The following TNS3 variants were observed in gnomAD, a reference collection of about 807,000 sequenced individuals.
TNS3 encodes tensin-3.
Under a neutral mutation model 140.9 loss-of-function variants are expected in TNS3, and 45 were observed. That is an observed-to-expected ratio of 0.32 (90% CI 0.25 to 0.41). The LOEUF is 0.41. Among genes scored for constraint, TNS3 ranks in the 10% least tolerant of loss-of-function variants. The pLI is 1.00. For missense variants in TNS3, 1,716 were observed against 1,906.7 expected, an observed-to-expected ratio of 0.90 and a Z score of 1.86; for synonymous variants, 815 against 788.4, an observed-to-expected ratio of 1.03 and a Z score of -0.56.
chr7:47,382,297 C>T (rs548590571), intron 16 of TNS3, among the ~76,000 whole-genome samples: 1 of 152,126 alleles, frequency 6.6e-6, no homozygotes, highest in Non-Finnish European at 1.5e-5. Flanking sequence ...ATGTGGATGA[C>T]AGCTTTGTAA....
intron 1 of TNS3, among the ~76,000 whole-genome samples, chr7:47,578,559 TG>T (rs142627982): frequency 0.083 from 8,998 of 107,886 alleles, 887 homozygotes; most frequent in African/African-American, 0.26. Context: ...GGCAGGGGGT[TG>T]GGGGGGGGCG....
chr7:47,325,083 T>C (rs1787955867), intron 20 of TNS3, among the ~76,000 whole-genome samples: 1 of 152,106 alleles, frequency 6.6e-6, no homozygotes, highest in Admixed American at 6.5e-5. Context: ...CCGTGTGGTT[T>C]TGTGTATCCA....
intron 2 of TNS3, among the ~76,000 whole-genome samples, chr7:47,525,785 C>A (rs1230160934): frequency 6.6e-6 from 1 of 152,240 alleles, no homozygotes; most frequent in Non-Finnish European, 1.5e-5. Flanking sequence ...CACACATAGC[C>A]ATGCATATGT....
intron 1 of TNS3, among the ~76,000 whole-genome samples, chr7:47,562,882 C>G (rs948465977): frequency 2.0e-5 from 3 of 152,188 alleles, no homozygotes; most frequent in Admixed American, 1.3e-4. Flanking sequence ...TGGGTAAGAA[C>G]AGCATGGATA....
chr7:47,535,047 G>A (rs1373339940), intron 1 of TNS3, among the ~76,000 whole-genome samples: 2 of 152,172 alleles, frequency 1.3e-5, no homozygotes, highest in Non-Finnish European at 2.9e-5. Context: ...CTTTTCACTC[G>A]TATTGCAGTT....
In TNS3 at chr7:47,346,172, G is replaced by A; in HGVS notation, c.2451+15C>T. The A allele has an allele frequency of 6.2e-7, 1 of 1,611,860 alleles. No homozygotes were observed. Among genetic ancestry groups the A allele is most frequent in the South Asian group, 1.1e-5 (1 of 90,980 alleles). On this transcript the variant is annotated intron_variant, in intron 18 of 30. Coordinates refer to ENST00000311160, the MANE Select transcript of TNS3 (RefSeq NM_022748.12). Reference sequence around the variant, plus strand: ...GGAATGGGCCCAGAAACTGGGACCTGGCTGTGGCACATACCTCTTTGACGT... The same window carrying A: ...GGAATGGGCCCAGAAACTGGGACCTAGCTGTGGCACATACCTCTTTGACGT...
intron 17 of TNS3, among the ~76,000 whole-genome samples, chr7:47,355,810 G>T (rs142033194): frequency 1.4e-4 from 21 of 152,242 alleles, no homozygotes; most frequent in Non-Finnish European, 2.6e-4. Context: ...CTTGGAGACT[G>T]ATCTTTGCCA....
chr7:47,426,850 G>A (rs529024614), intron 9 of TNS3, among the ~76,000 whole-genome samples: 2 of 152,138 alleles, frequency 1.3e-5, no homozygotes, highest in Admixed American at 1.3e-4. Flanking sequence ...GTGTGGCTGG[G>A]CGTGGTGGCT....
chr7:47,560,017 C>A (rs896264304), intron 1 of TNS3, among the ~76,000 whole-genome samples: 24 of 152,174 alleles, frequency 1.6e-4, no homozygotes, highest in African/African-American at 5.1e-4. Flanking sequence ...TGCTCCACCC[C>A]CGCAGGACTG....
chr7:47,486,861 C>CTACATATTCTGTATAAACA (rs1442330650), intron 3 of TNS3, among the ~76,000 whole-genome samples: 2 of 152,180 alleles, frequency 1.3e-5, no homozygotes, highest in African/African-American at 4.8e-5. Flanking sequence ...AGCTGATGCA[C>CTACATATTCTGTATAAACA]TACATATTCT....
chr7:47,366,081 T>G (rs1315538374), intron 17 of TNS3, among the ~76,000 whole-genome samples: 1 of 152,240 alleles, frequency 6.6e-6, no homozygotes, highest in African/African-American at 2.4e-5. Flanking sequence ...AAAAGACTTC[T>G]GATTTTAATG....
chr7:47,423,822 T>G (rs1794505066), intron 10 of TNS3, among the ~76,000 whole-genome samples: 1 of 152,182 alleles, frequency 6.6e-6, no homozygotes, highest in South Asian at 2.1e-4. Context: ...ACTCACTCAC[T>G]GCAAGAGAGG....
chr7:47,442,228 T>C (rs1374099023), intron 4 of TNS3, among the ~76,000 whole-genome samples, 173 bp from the exon 5 acceptor site: 1 of 152,198 alleles, frequency 6.6e-6, no homozygotes, highest in East Asian at 1.9e-4. Context: ...CACCATGTTG[T>C]GTGATTCAGC....
chr7:47,299,724 A>G (rs763438399), intron 23 of TNS3, among the ~76,000 whole-genome samples: 1 of 152,158 alleles, frequency 6.6e-6, no homozygotes, highest in Non-Finnish European at 1.5e-5. Flanking sequence ...TGGGAGTAAG[A>G]GGAGAATTTT....
At chr7:47,417,026 C>T (rs899330873) in intron 10 of TNS3, among the ~76,000 whole-genome samples, 2 of 152,320 alleles carry the variant, frequency 1.3e-5, no homozygotes, top group South Asian at 2.1e-4. Flanking sequence ...GCGGCTAAGA[C>T]GGACCTGTTC....
Position 47,277,692 on chromosome 7 carries a change from C to G in TNS3, c.*384G>C, listed in dbSNP as rs544562029. 4 of 308,658 alleles carry G rather than the reference C, an allele frequency of 1.3e-5. No individual in the cohort carries two copies. The highest frequency in any genetic ancestry group is 1.2e-4 in the South Asian group (4 of 32,678). The allele number at this position is 308,658 out of a possible 1,614,324, so 19.1% of individuals were successfully genotyped here. A position where few individuals can be genotyped will look rare whatever the true frequency, so the allele number is the denominator to read the frequency against. On this transcript the variant is annotated 3_prime_UTR_variant, in exon 31 of 31. Coordinates refer to ENST00000311160, the MANE Select transcript of TNS3 (RefSeq NM_022748.12). Reference sequence around the variant, plus strand: ...GCGAAGCATGGCAGTCACTCGGCACCTCTGCCTCAAGGGCTGGGGATTCCT... The same window carrying G: ...GCGAAGCATGGCAGTCACTCGGCACGTCTGCCTCAAGGGCTGGGGATTCCT...
At chr7:47,541,590 A>T (rs998976142) in intron 1 of TNS3, among the ~76,000 whole-genome samples, 3 of 152,184 alleles carry the variant, frequency 2.0e-5, no homozygotes, top group African/African-American at 7.2e-5. Flanking sequence ...AATAGTGATA[A>T]TATTGGATTA....
intron 17 of TNS3, among the ~76,000 whole-genome samples, chr7:47,364,629 T>G (rs1237429747): frequency 1.3e-5 from 2 of 152,174 alleles, no homozygotes; most frequent in Non-Finnish European, 2.9e-5. Context: ...AGAGACCACC[T>G]CTACACTGTG....
chr7:47,517,487 A>T (rs1798819094), intron 2 of TNS3, among the ~76,000 whole-genome samples: 1 of 152,258 alleles, frequency 6.6e-6, no homozygotes, highest in South Asian at 2.1e-4. Context: ...AGATGTTTGT[A>T]AAGATACAAA....
Sources: gnomAD v4.1 joint callset for allele counts (sites outside exome capture counted in the v4.1 genomes callset) on GRCh38, gnomAD v4.1.1 for gene constraint, MANE v1.5 for transcripts, NCBI Gene and HGNC (gene_info 2026-07-23, HGNC 2026-07-21) for gene names.